Variants in SF3A2 observed in about 807,000 individuals in gnomAD.
SF3A2 encodes the protein splicing factor 3a subunit 2.
A neutral mutation model predicts 31.1 loss-of-function variants in SF3A2; 5 were observed. That is an observed-to-expected ratio of 0.16 (90% CI 0.08 to 0.34). The LOEUF (loss-of-function observed/expected upper bound fraction) is 0.34. Among genes scored for constraint, SF3A2 ranks in the 10% least tolerant of loss-of-function variants. SF3A2 has a pLI of 1.00. For synonymous variants in SF3A2, 365 were observed against 263.7 expected, an observed-to-expected ratio of 1.38 and a Z score of -3.72; for missense variants, 577 against 643.9, an observed-to-expected ratio of 0.90 and a Z score of 1.13.
chr19:2,245,933 T>G lies in SF3A2; in HGVS notation c.355+378T>G. 4.1e-6 allele frequency: 1 copy of G among 245,576 alleles called. No homozygotes were observed. The highest frequency in any genetic ancestry group is 8.0e-6 in the Non-Finnish European group (1 of 124,864). 15.2% of individuals were successfully genotyped at this position (245,576 alleles called of 1,614,324 possible). ...AAGGAGGACAGGGAGAAGCGGCTGTTAGAGGCAGCTCCTCCCGGACCCTCA... is the reference window on the plus strand; with the variant it reads ...AAGGAGGACAGGGAGAAGCGGCTGTGAGAGGCAGCTCCTCCCGGACCCTCA... On this transcript the variant is annotated intron_variant, in intron 5 of 8. Transcript: ENST00000221494. The surrounding 1 kb of genome is among the most constrained non-coding windows in gnomAD (Gnocchi z 4.2).
chr19:2,248,205 C>T lies in SF3A2; in HGVS notation c.1054C>T (p.Pro352Ser). The change falls in exon 9 of 9, where the codon CCA (proline) becomes TCA (serine). Residue 352 changes from proline to serine, a missense_variant. By Grantham distance (74) the Pro-to-Ser change is moderately conservative (BLOSUM62 -1). Transcript: ENST00000221494. The stretch of plus-strand genomic sequence containing the variant: ...TCACCCACCAGCCCCCGGAGTCCAC[C>T]CACCAGCCCCTGGGGTTCACCCACC... The part of the protein sequence containing the change: ...GVHPPAPGVH[P>S]PAPGVHPPAP... 6.8e-7 allele frequency: 1 copy of T among 1,464,622 alleles called. No individual in the cohort carries two copies. The highest frequency in any genetic ancestry group is 1.3e-5 in the South Asian group (1 of 78,444). The allele number at this position is 1,464,622 out of a possible 1,614,324, so 90.7% of individuals were successfully genotyped here. A position where few individuals can be genotyped will look rare whatever the true frequency, so the allele number is the denominator to read the frequency against.
chr19:2,248,509 GC>G lies in SF3A2; in HGVS notation c.1361del (p.Pro454GlnfsTer31). 2.5e-6 allele frequency: 3 copies of G among 1,183,338 alleles called. No individual in the cohort carries two copies. The highest frequency in any genetic ancestry group is 1.1e-6 in the Non-Finnish European group (1 of 918,506). The allele number at this position is 1,183,338 out of a possible 1,614,324, so 73.3% of individuals were successfully genotyped here. ...CTGAGGCCCCCACTTCCCTCCGAAG[GC>G]CCAGGGAACATACCTCCCCCTCCCC... Reference protein sequence around the residue: ...PMLRPPLPSEGPGNIPPPPPT... With the variant: ...PMLRPPLPSEXPGNIPPPPPT... On this transcript the variant is annotated frameshift_variant, in exon 9 of 9. Transcript: ENST00000221494. LOFTEE classifies it high-confidence loss of function.
chr19:2,248,345 AG>A lies in SF3A2; in HGVS notation c.1197del (p.Met400CysfsTer46). On this transcript the variant is annotated frameshift_variant, in exon 9 of 9. Coordinates refer to ENST00000221494, the MANE Select transcript of SF3A2 (RefSeq NM_007165.5). LOFTEE classifies it low-confidence loss of function (END_TRUNC). ...QAPGVHPPAP[G>X]MHPQAPGVHP... ...CCCCAGGGGTGCACCCACCAGCCCC[AG>A]GGATGCACCCTCAGGCCCCGGGGGT... The A allele has an allele frequency of 8.0e-7, 1 of 1,257,806 alleles. No homozygotes were observed. The highest frequency in any genetic ancestry group is 9.9e-7 in the Non-Finnish European group (1 of 1,008,182). 77.9% of individuals were successfully genotyped at this position (1,257,806 alleles called of 1,614,324 possible).
In SF3A2 at chr19:2,247,035, C is replaced by T. The variant is rs773414827; in HGVS notation, c.546+13C>T. 1.9e-5 allele frequency: 31 copies of T among 1,594,848 alleles called. No individual in the cohort carries two copies. The East Asian group carries it at 2.9e-4, about 15-fold the overall frequency. On this transcript the variant is annotated intron_variant, in intron 7 of 8. Transcript: ENST00000221494. Reference sequence around the variant, plus strand: ...CATTGCCTTCAAGGTAGCGTGGCTGCGGGGTTCCCTGGGCCCCCTTGAGAT... The same window carrying T: ...CATTGCCTTCAAGGTAGCGTGGCTGTGGGGTTCCCTGGGCCCCCTTGAGAT...
At chr19:2,240,959 G>C (rs373526125) in intron 1 of SF3A2, among the ~76,000 whole-genome samples, 1 of 152,286 alleles carries the variant, frequency 6.6e-6, no homozygotes, top group African/African-American at 2.4e-5. Context: ...CCGCAGACAC[G>C]TCCCACCCAC....
chr19:2,245,159 G>C lies in SF3A2; in HGVS notation c.246-287G>C, dbSNP rs2024921110. On this transcript the variant is annotated intron_variant, in intron 4 of 8. Transcript: ENST00000221494. This position sits in a 1 kb window ranked among gnomAD's most constrained non-coding sequence, Gnocchi z 4.2. ...AGGTGCTGCCACTGTACTCCATCCT[G>C]GGCGACAGAGTGAGACTCTTGTCTT... 1 of 495,168 alleles carries C rather than the reference G, an allele frequency of 2.0e-6. No homozygotes were observed. Among genetic ancestry groups the C allele is most frequent in the South Asian group, 3.2e-5 (1 of 31,134 alleles). 30.7% of individuals were successfully genotyped at this position (495,168 alleles called of 1,614,324 possible).
chr19:2,247,915 C>A lies in SF3A2; in HGVS notation c.764C>A (p.Pro255Gln). 1 of 1,572,990 alleles carries A rather than the reference C, an allele frequency of 6.4e-7. No individual in the cohort carries two copies. The highest frequency in any genetic ancestry group is 2.3e-5 in the East Asian group (1 of 44,300). The change falls in exon 9 of 9, where the codon CCG (proline) becomes CAG (glutamine). Residue 255 changes from proline (P) to glutamine (Q), a missense_variant. This residue lies in a region of SF3A2 where 462 missense variants were observed against 339.1 expected (regional missense o/e 1.36). Transcript: ENST00000221494. ...CTGCCTGAGTCTTTGCCACCGCCCC[C>A]GCCAGGAGGCCTGCCTCTGCCACCC... is the stretch of plus-strand genomic sequence containing the variant. ...PPLPESLPPP[P>Q]PGGLPLPPMP... is the part of the protein sequence containing the mutation.
Position 2,246,863 on chromosome 19 carries a change from C to G in SF3A2, c.406-19C>G. On this transcript the variant is annotated intron_variant, in intron 6 of 8. Coordinates refer to ENST00000221494, the MANE Select transcript of SF3A2 (RefSeq NM_007165.5). This position sits in a 1 kb window ranked among gnomAD's most constrained non-coding sequence, Gnocchi z 5.5. The stretch of plus-strand genomic sequence containing the variant: ...AGGCACCCAAGAGGCGGCTCTGCCA[C>G]CCGGCCGTGTCCCTGCAGATTGACT... The G allele has an allele frequency of 6.2e-7, 1 of 1,612,916 alleles. No individual in the cohort carries two copies. Among genetic ancestry groups the G allele is most frequent in the Non-Finnish European group, 8.5e-7 (1 of 1,179,642 alleles).
intron 1 of SF3A2, among the ~76,000 whole-genome samples, chr19:2,242,893 C>T (rs1015415811): frequency 6.6e-6 from 1 of 152,174 alleles, no homozygotes; most frequent in Non-Finnish European, 1.5e-5. Flanking sequence ...CTCCGCCTAA[C>T]AAATTTACAT....
At position 2,247,960 on chromosome 19, in the gene SF3A2, C is replaced by A; in HGVS notation, c.809C>A (p.Ala270Glu). The A allele has an allele frequency of 1.6e-6, 2 of 1,268,188 alleles. No homozygotes were observed. The highest frequency in any genetic ancestry group is 2.2e-6 in the Non-Finnish European group (2 of 895,324). The allele number at this position is 1,268,188 out of a possible 1,614,324, so 78.6% of individuals were successfully genotyped here. ...PLPPMPPTGP[A>E]PSGPPGPPQL... ...CCACCCATGCCCCCCACAGGGCCTG[C>A]GCCCTCAGGGCCCCCGGGACCACCC... Residue 270 changes from alanine (A) to glutamate (E), a missense_variant, in exon 9 of 9, where the codon GCG becomes GAG. Transcript: ENST00000221494.
At position 2,245,110 on chromosome 19, in the gene SF3A2, G is replaced by A. The variant is rs1035850015; in HGVS notation, c.245+331G>A. On this transcript the variant is annotated intron_variant, in intron 4 of 8. Coordinates refer to ENST00000221494, the MANE Select transcript of SF3A2 (RefSeq NM_007165.5). The surrounding 1 kb of genome is among the most constrained non-coding windows in gnomAD (Gnocchi z 4.2). ...CTGAGGCAGGAGAATCTTGAATCTG[G>A]GAGGCAGAGATTGCAGTGAACCAAG... 16 of 501,068 alleles carry A rather than the reference G, an allele frequency of 3.2e-5. No individual in the cohort carries two copies. In the Admixed American group the frequency reaches 5.8e-4, roughly 18 times the overall value. 31.0% of individuals were successfully genotyped at this position (501,068 alleles called of 1,614,324 possible).
At chr19:2,239,901 C>G (rs1293635125) in intron 1 of SF3A2, among the ~76,000 whole-genome samples, 1 of 152,110 alleles carries the variant, frequency 6.6e-6, no homozygotes, top group Non-Finnish European at 1.5e-5. Flanking sequence ...GCTTCCTGTT[C>G]TGGGTTTGTG....
intron 1 of SF3A2, 124 bp from the exon 2 acceptor site, chr19:2,243,258 C>A: frequency 1.3e-6 from 1 of 742,816 alleles, no homozygotes; most frequent in Non-Finnish European, 2.1e-6. Flanking sequence ...CTGGTTAGAC[C>A]CTGGCGCTGG....
chr19:2,238,991 A>T (rs1346160329), intron 1 of SF3A2, among the ~76,000 whole-genome samples: 2 of 151,970 alleles, frequency 1.3e-5, no homozygotes, highest in Non-Finnish European at 2.9e-5. Context: ...GGGGTGGGGG[A>T]AGTCCTTGAT....
chr19:2,242,935 G>A (rs916511243), intron 1 of SF3A2, among the ~76,000 whole-genome samples: 11 of 152,224 alleles, frequency 7.2e-5, no homozygotes, highest in Non-Finnish European at 1.6e-4. Context: ...GGACAAGTAA[G>A]CGTAGCCAAC....
intron 2 of SF3A2, among the ~76,000 whole-genome samples, chr19:2,244,162 C>T (rs2024912704): frequency 6.6e-6 from 1 of 152,198 alleles, no homozygotes; most frequent in Non-Finnish European, 1.5e-5. Context: ...TTTCTTGTGC[C>T]TGTGTCTGCC....
rs1338739614 is a variant in SF3A2, at chr19:2,239,893, T to C, written c.-38+2992T>C. ...GTTTTAATTCAGCTTGTCATTCAGCTTCCTGTTCTGGGTTTGTGGTGCAGT... is the reference window on the plus strand; with the variant it reads ...GTTTTAATTCAGCTTGTCATTCAGCCTCCTGTTCTGGGTTTGTGGTGCAGT... On this transcript the variant is annotated intron_variant, in intron 1 of 8. Transcript: ENST00000221494. Among the ~76,000 whole-genome samples the C allele has an allele frequency of 3.9e-5, 6 of 152,240 alleles. No homozygotes were observed. The South Asian group carries it at 8.3e-4, about 21-fold the overall frequency.
At position 2,244,726 on chromosome 19, in the gene SF3A2, A is replaced by C. The variant is rs1377448957; in HGVS notation, c.199-7A>C. On this transcript the variant is annotated splice_polypyrimidine_tract_variant and splice_region_variant and intron_variant, in intron 3 of 8. Coordinates refer to ENST00000221494, the MANE Select transcript of SF3A2 (RefSeq NM_007165.5). ...CTCGAGTCATGCGTGTTTCCTTTCC[A>C]CTCCAGGGGAGCTACCTGGCACATA... 3 of 1,613,434 alleles carry C rather than the reference A, an allele frequency of 1.9e-6. No individual in the cohort carries two copies. The African/African-American group carries it at 4.0e-5, about 22-fold the overall frequency.
At chr19:2,244,654 C>G (rs2024917169) in intron 3 of SF3A2, 39 bp downstream of exon 3, 1 of 1,610,528 alleles carries the variant, frequency 6.2e-7, no homozygotes, top group African/African-American at 1.3e-5. Context: ...TCGCGGCGGG[C>G]TGAGTGGCTG....
Sources: gnomAD v4.1 joint callset for allele counts (sites outside exome capture counted in the v4.1 genomes callset) on GRCh38, gnomAD v4.1.1 for gene constraint, gnomAD v4.1.1 regional missense constraint, Gnocchi (gnomAD v3.1) non-coding constraint, MANE v1.5 for transcripts, NCBI Gene and HGNC (gene_info 2026-07-23, HGNC 2026-07-21) for gene names.